CDH13: variants seen among roughly 807,000 people sequenced by gnomAD.
CDH13 encodes cadherin 13, also known as cadherin-13.
A neutral mutation model predicts 63.8 loss-of-function variants in CDH13; 24 were observed. The observed-to-expected ratio is 0.38, with a 90% CI of 0.27 to 0.53. The LOEUF is 0.53. CDH13 is among the 20% of genes least tolerant of loss of function. The probability of loss-of-function intolerance (pLI) is 0.85; values close to 1 mark genes in which losing one functional copy is unlikely to be tolerated. For missense variants in CDH13, 1,049 were observed against 903.1 expected, an observed-to-expected ratio of 1.16 and a Z score of -2.07; for synonymous variants, 503 against 355.3, an observed-to-expected ratio of 1.42 and a Z score of -4.67.
chr16:83,505,912 G>C (rs1387380), intron 7 of CDH13, among the ~76,000 whole-genome samples: 17 of 152,142 alleles, frequency 1.1e-4, no homozygotes, highest in Admixed American at 2.0e-4. Flanking sequence ...GCATCAGCAT[G>C]TTCCTTCCTT....
intron 11 of CDH13, among the ~76,000 whole-genome samples, chr16:83,778,501 G>T (rs1281337619): frequency 6.0e-5 from 9 of 149,378 alleles, no homozygotes; most frequent in African/African-American, 2.3e-4. Flanking sequence ...CTGCACTCCA[G>T]CCTGGGTGAC....
At position 83,212,402 on chromosome 16, in the gene CDH13, C is replaced by G. The variant is rs920321002; in HGVS notation, c.484-4943C>G. ...AACTAAGCCAAGACACTGAGCTTTC[C>G]CCTGAAGAGGGACTTTCCCCACTCC... On this transcript the variant is annotated intron_variant, in intron 4 of 13. Coordinates refer to ENST00000567109, the MANE Select transcript of CDH13 (RefSeq NM_001257.5). Among the ~76,000 whole-genome samples, 5 of 152,144 alleles carry G rather than the reference C, an allele frequency of 3.3e-5. No individual in the cohort carries two copies. In the East Asian group the frequency reaches 7.7e-4, roughly 23 times the overall value.
chr16:82,819,807 T>A (rs114579403), intron 1 of CDH13, among the ~76,000 whole-genome samples: 2,320 of 152,306 alleles, frequency 0.015, 61 homozygotes, highest in African/African-American at 0.051. Flanking sequence ...AAGATCCCTA[T>A]GCTTGTAGAA....
At chr16:83,403,397 G>A (rs570838624) in intron 6 of CDH13, among the ~76,000 whole-genome samples, 1 of 152,120 alleles carries the variant, frequency 6.6e-6, no homozygotes, top group Non-Finnish European at 1.5e-5. Context: ...GCCGAGGCGG[G>A]TGGATCACGA....
intron 6 of CDH13, among the ~76,000 whole-genome samples, chr16:83,447,463 T>C (rs1283187008): frequency 2.0e-5 from 3 of 152,078 alleles, no homozygotes; most frequent in Non-Finnish European, 4.4e-5. Context: ...GATGAGTTAC[T>C]GTGGATCAGG....
At chr16:82,750,027 C>G (rs931669393) in intron 1 of CDH13, among the ~76,000 whole-genome samples, 2 of 152,044 alleles carry the variant, frequency 1.3e-5, no homozygotes, top group Non-Finnish European at 2.9e-5. Flanking sequence ...TTAAGAATCC[C>G]CCATAACCCT....
At chr16:83,197,280 T>C (rs1047175579) in intron 4 of CDH13, among the ~76,000 whole-genome samples, 18 of 151,988 alleles carry the variant, frequency 1.2e-4, no homozygotes, top group African/African-American at 4.4e-4. Context: ...GGTATATATA[T>C]ATATATATAT....
In CDH13 at chr16:83,718,755, G is replaced by A. The variant is rs142562868; in HGVS notation, c.1539-29353G>A. Among the ~76,000 whole-genome samples the A allele has an allele frequency of 5.7e-4, 87 of 152,298 alleles. 1 individual carries two copies. Among genetic ancestry groups the A allele is most frequent in the Middle Eastern group, 6.8e-3 (2 of 294 alleles). ...TTTTTCAGGGTCTTATCAGCCCCTAGCTTCTGCAGCTATTTCAACATTTTC... is the reference window on the plus strand; with the variant it reads ...TTTTTCAGGGTCTTATCAGCCCCTAACTTCTGCAGCTATTTCAACATTTTC... On this transcript the variant is annotated intron_variant, in intron 10 of 13. Coordinates refer to ENST00000567109, the MANE Select transcript of CDH13 (RefSeq NM_001257.5).
intron 1 of CDH13, among the ~76,000 whole-genome samples, chr16:82,798,905 G>C (rs2036715866): frequency 6.6e-6 from 1 of 152,148 alleles, no homozygotes; most frequent in African/African-American, 2.4e-5. Flanking sequence ...GCACAGGTTT[G>C]ATTCTCACTT....
intron 3 of CDH13, among the ~76,000 whole-genome samples, chr16:83,036,514 A>G (rs1916870009): frequency 6.6e-6 from 1 of 152,132 alleles, no homozygotes; most frequent in Admixed American, 6.6e-5. Context: ...AAACCTGCAC[A>G]ATGTTCACTC....
At chr16:82,911,240 GTC>G (rs1187443175) in intron 2 of CDH13, among the ~76,000 whole-genome samples, 2 of 152,180 alleles carry the variant, frequency 1.3e-5, no homozygotes, top group Non-Finnish European at 2.9e-5. Context: ...GCATAATGTG[GTC>G]TGTGTGAAAA....
chr16:83,774,935 A>G (rs1915006218), intron 11 of CDH13, among the ~76,000 whole-genome samples: 2 of 149,516 alleles, frequency 1.3e-5, no homozygotes, highest in South Asian at 4.2e-4. Flanking sequence ...AAAATTGTCA[A>G]TTTTATGTTA....
intron 8 of CDH13, 22 bp from the exon 9 acceptor site, chr16:83,670,768 T>A: frequency 6.2e-7 from 1 of 1,612,654 alleles, no homozygotes; most frequent in Non-Finnish European, 8.5e-7. Flanking sequence ...ATAGTGACCA[T>A]TACCATCTGC....
At chr16:83,060,689 C>G (rs566209233) in intron 3 of CDH13, among the ~76,000 whole-genome samples, 2 of 152,360 alleles carry the variant, frequency 1.3e-5, no homozygotes, top group East Asian at 1.9e-4. Context: ...CTATCCTCAC[C>G]TCACTGTGCA....
In CDH13 at chr16:82,792,500, A is replaced by G. The variant is rs531169059; in HGVS notation, c.46-65862A>G. Among the ~76,000 whole-genome samples, 7 of 152,070 alleles carry G rather than the reference A, an allele frequency of 4.6e-5. No homozygotes were observed. The East Asian group carries it at 1.4e-3, about 29-fold the overall frequency. On this transcript the variant is annotated intron_variant, in intron 1 of 13. Transcript: ENST00000567109. ...TTCAGTACAATTCTGGGGGTTCTGG[A>G]CTCCCTGAGGACCATTTATAAGTTC...
chr16:83,450,724 G>A (rs187441126), intron 6 of CDH13, among the ~76,000 whole-genome samples: 1 of 152,054 alleles, frequency 6.6e-6, no homozygotes, highest in Non-Finnish European at 1.5e-5. Context: ...TAAAAAATTA[G>A]CCAGGCATGG....
At position 82,819,912 on chromosome 16, in the gene CDH13, G is replaced by A. The variant is rs768341672; in HGVS notation, c.46-38450G>A. On this transcript the variant is annotated intron_variant, in intron 1 of 13. Coordinates refer to ENST00000567109, the MANE Select transcript of CDH13 (RefSeq NM_001257.5). The stretch of plus-strand genomic sequence containing the variant: ...CAATGGGAATAGAAAAAGCAGAGCC[G>A]AATGAGGGCTAGATGGATGCTGGGA... 4.6e-5 allele frequency among the ~76,000 whole-genome samples: 7 copies of A among 152,274 alleles called. 1 individual carries two copies. The highest frequency in any genetic ancestry group is 6.8e-3 in the Middle Eastern group (2 of 294).
intron 6 of CDH13, among the ~76,000 whole-genome samples, chr16:83,356,264 G>A (rs1477925851): frequency 7.1e-6 from 1 of 141,472 alleles, no homozygotes; most frequent in Non-Finnish European, 1.6e-5. Context: ...GTGTGTGTGT[G>A]TAGATGAGAA....
intron 4 of CDH13, among the ~76,000 whole-genome samples, chr16:83,131,849 A>G (rs1489183105): frequency 1.3e-5 from 2 of 152,232 alleles, no homozygotes; most frequent in Admixed American, 6.5e-5. Flanking sequence ...GAAATATGTA[A>G]CTGGGCCAAG....
Sources: gnomAD v4.1 joint callset for allele counts (sites outside exome capture counted in the v4.1 genomes callset) on GRCh38, gnomAD v4.1.1 for gene constraint, MANE v1.5 for transcripts, NCBI Gene and HGNC (gene_info 2026-07-23, HGNC 2026-07-21) for gene names.